NUP210L: variants seen among roughly 807,000 people sequenced by gnomAD.
The protein encoded by NUP210L is nuclear pore membrane glycoprotein 210-like.
Under a neutral mutation model 208.5 loss-of-function variants are expected in NUP210L, and 74 were observed. That is an observed-to-expected ratio of 0.35 (90% CI 0.29 to 0.43). NUP210L has a LOEUF of 0.43. Ranked by LOEUF, NUP210L falls within the 20% of genes least tolerant of loss-of-function variation. NUP210L has a pLI of 1.00. For synonymous variants in NUP210L, 780 were observed against 816.9 expected, an observed-to-expected ratio of 0.95 and a Z score of 0.77; for missense variants, 1,843 against 2,289.4, an observed-to-expected ratio of 0.81 and a Z score of 3.98.
intron 16 of NUP210L, chr1:154,079,310 A>T (rs1010545001): frequency 7.9e-5 from 12 of 151,844 alleles, no homozygotes; most frequent in African/African-American, 2.9e-4. Flanking sequence ...TTTTTTTTTG[A>T]GAGGGGTCTT....
chr1:154,048,921 T>C (rs1653334676), intron 25 of NUP210L, among the ~76,000 whole-genome samples: 1 of 152,178 alleles, frequency 6.6e-6, no homozygotes, highest in Non-Finnish European at 1.5e-5. Context: ...GGCTCCTGAT[T>C]GTGCTGTATG....
At chr1:154,006,467 C>T (rs1180763878) in intron 35 of NUP210L, among the ~76,000 whole-genome samples, 3 of 151,622 alleles carry the variant, frequency 2.0e-5, no homozygotes, top group Non-Finnish European at 4.4e-5. Context: ...ATAGATACTC[C>T]TCCTTTCTTT....
intron 12 of NUP210L, among the ~76,000 whole-genome samples, chr1:154,112,656 G>C (rs1657099508): frequency 6.6e-6 from 1 of 152,122 alleles, no homozygotes. Context: ...AGGAGTTCAA[G>C]TCCACCCTGG....
At chr1:154,057,097 G>A (rs528861176) in intron 22 of NUP210L, 150 bp from the exon 23 acceptor site, 15 of 675,064 alleles carry the variant, frequency 2.2e-5, no homozygotes, top group Non-Finnish European at 3.7e-5. Flanking sequence ...TCCCACCTCA[G>A]CTTCCTGAGT....
intron 33 of NUP210L, among the ~76,000 whole-genome samples, chr1:154,014,868 G>A (rs1217717360): frequency 6.6e-6 from 1 of 152,142 alleles, no homozygotes; most frequent in Non-Finnish European, 1.5e-5. Flanking sequence ...GCTGGGTGTG[G>A]TGGCACACAC....
At chr1:154,054,722 G>C (rs756384631) in intron 24 of NUP210L, 48 bp downstream of exon 24, 9 of 1,255,278 alleles carry the variant, frequency 7.2e-6, no homozygotes, top group Non-Finnish European at 1.1e-5. Flanking sequence ...GAGAGAGAGA[G>C]AGGTAAGGAG....
intron 16 of NUP210L, among the ~76,000 whole-genome samples, chr1:154,074,865 C>G (rs1654954840): frequency 6.6e-6 from 1 of 152,210 alleles, no homozygotes; most frequent in South Asian, 2.1e-4. Context: ...GTGCAGATTT[C>G]TTACATGCAT....
chr1:154,132,656 GA>G (rs1161066748), intron 7 of NUP210L, among the ~76,000 whole-genome samples: 8 of 151,764 alleles, frequency 5.3e-5, no homozygotes, highest in South Asian at 2.1e-4. Context: ...AAATATGGGG[GA>G]AAAAAAGAAC....
At chr1:154,032,946 GAAAGAAGAAAAGAA>G (rs1315117741) in intron 27 of NUP210L, among the ~76,000 whole-genome samples, 5 of 64,392 alleles carry the variant, frequency 7.8e-5, no homozygotes, top group Middle Eastern at 7.0e-3. Context: ...TCAAAAGAAA[GAAAGAAGAAAAGAA>G]AAGAAAAGAA....
chr1:153,994,167 A>G (rs1183424555), intron 38 of NUP210L, among the ~76,000 whole-genome samples: 3 of 152,120 alleles, frequency 2.0e-5, no homozygotes, highest in Admixed American at 1.3e-4. Flanking sequence ...GGTGTGAGCC[A>G]TTGCACCCAG....
intron 27 of NUP210L, among the ~76,000 whole-genome samples, chr1:154,040,468 T>C (rs1047824658): frequency 6.6e-6 from 1 of 151,960 alleles, no homozygotes; most frequent in Non-Finnish European, 1.5e-5. Flanking sequence ...GGAGAAATAG[T>C]GTACAAGAGA....
chr1:154,123,203 T>C (rs1415551461), intron 10 of NUP210L, among the ~76,000 whole-genome samples: 1 of 152,202 alleles, frequency 6.6e-6, no homozygotes, highest in African/African-American at 2.4e-5. Context: ...TGGAGTGCAA[T>C]GGCGCAACCT....
At chr1:154,034,630 G>T (rs1224873537) in intron 27 of NUP210L, among the ~76,000 whole-genome samples, 1 of 151,882 alleles carries the variant, frequency 6.6e-6, no homozygotes, top group Non-Finnish European at 1.5e-5. Flanking sequence ...TGCCCAGACT[G>T]CTTTGCTGGG....
At chr1:154,125,131 G>T (rs1222344876) in intron 10 of NUP210L, among the ~76,000 whole-genome samples, 1 of 151,850 alleles carries the variant, frequency 6.6e-6, no homozygotes, top group Admixed American at 6.6e-5. Flanking sequence ...ACAGTGAAAC[G>T]CCTTCTTTAC....
intron 23 of NUP210L, 87 bp downstream of exon 23, chr1:154,056,728 G>T: frequency 2.2e-6 from 3 of 1,363,960 alleles, no homozygotes; most frequent in Non-Finnish European, 3.0e-6. Flanking sequence ...CCAGTCAAAT[G>T]ATTTTTAACT....
At chr1:154,064,370 G>A (rs1654289817) in intron 17 of NUP210L, among the ~76,000 whole-genome samples, 1 of 152,048 alleles carries the variant, frequency 6.6e-6, no homozygotes. Flanking sequence ...ATAAGCACTT[G>A]GGCATGAGGG....
At chr1:153,995,848 C>A in intron 37 of NUP210L, 1 of 594,380 alleles carries the variant, frequency 1.7e-6, no homozygotes. Flanking sequence ...AACAACATGT[C>A]GGGTTCCATG....
intron 27 of NUP210L, among the ~76,000 whole-genome samples, chr1:154,031,234 C>T (rs918658231): frequency 6.6e-6 from 1 of 152,008 alleles, no homozygotes; most frequent in Non-Finnish European, 1.5e-5. Flanking sequence ...GGATTACAGG[C>T]GCCTGCCACT....
At chr1:154,018,911 A>G (rs1273524674) in intron 33 of NUP210L, 22 bp downstream of exon 33, 2 of 1,612,476 alleles carry the variant, frequency 1.2e-6, no homozygotes, top group African/African-American at 2.7e-5. Context: ...AGTCTCTTAA[A>G]CTCTGATACA....
Sources: gnomAD v4.1 joint callset for allele counts (sites outside exome capture counted in the v4.1 genomes callset) on GRCh38, gnomAD v4.1.1 for gene constraint, MANE v1.5 for transcripts, NCBI Gene and HGNC (gene_info 2026-07-23, HGNC 2026-07-21) for gene names.